ARHGEF33: variants seen among roughly 807,000 people sequenced by gnomAD.
The protein encoded by ARHGEF33 is DH and coiled-coil domain-containing protein ENSP00000381780.
Under a neutral mutation model 101.9 loss-of-function variants are expected in ARHGEF33, and 72 were observed. The ratio of observed to expected loss-of-function variants is 0.71; its 90% CI spans 0.58 to 0.86. The LOEUF (loss-of-function observed/expected upper bound fraction) is 0.86. ARHGEF33 is among the 40% of genes least tolerant of loss of function. The pLI is 0.00. For synonymous variants in ARHGEF33, 499 were observed against 442.5 expected (o/e 1.13, Z -1.60); for missense variants, 1,169 against 1,111.3 (o/e 1.05, Z -0.74).
intron 6 of ARHGEF33, among the ~76,000 whole-genome samples, chr2:38,930,257 G>A (rs1371245561): frequency 3.9e-5 from 6 of 152,012 alleles, no homozygotes. Flanking sequence ...GTTAAACGAT[G>A]TCTGGACTAG....
intron 2 of ARHGEF33, among the ~76,000 whole-genome samples, chr2:38,918,714 C>G (rs1053262947): frequency 6.6e-6 from 1 of 152,074 alleles, no homozygotes; most frequent in Non-Finnish European, 1.5e-5. Flanking sequence ...GATGTATTGG[C>G]CTTCATATCT....
At chr2:38,918,300 A>G (rs1236613323) in intron 2 of ARHGEF33, among the ~76,000 whole-genome samples, 1 of 152,234 alleles carries the variant, frequency 6.6e-6, no homozygotes, top group Non-Finnish European at 1.5e-5. Context: ...AATATCAAGT[A>G]TCTGCCTTAG....
intron 8 of ARHGEF33, 24 bp from the exon 9 acceptor site, chr2:38,937,311 C>CTTGGGGGGGGG: frequency 3.4e-6 from 2 of 583,934 alleles, no homozygotes; most frequent in Non-Finnish European, 3.0e-6. Flanking sequence ...CTTTGTTTCC[C>CTTGGGGGGGGG]CGCCCCTCCC....
At position 38,946,028 on chromosome 2, in the gene ARHGEF33, A is replaced by G. The variant is rs141404639; in HGVS notation, c.920+1998A>G. On this transcript the variant is annotated intron_variant, in intron 10 of 17. Coordinates refer to ENST00000409978, the MANE Select transcript of ARHGEF33 (RefSeq NM_001145451.5). ...AATGTGTAAAGTTTCTCAGAGAGCC[A>G]GAAGGATACAGTTGTCTCTTCCTAT... is the stretch of plus-strand genomic sequence containing the variant. 5.1e-3 allele frequency among the ~76,000 whole-genome samples: 780 copies of G among 152,354 alleles called. 4 individuals are homozygous for G. The highest frequency in any genetic ancestry group is 8.1e-3 in the Non-Finnish European group (549 of 68,032).
Position 38,960,353 on chromosome 2 carries a change from C to G in ARHGEF33, c.2048C>G (p.Pro683Arg). 6.5e-7 allele frequency: 1 copy of G among 1,531,560 alleles called. No individual in the cohort carries two copies. Among genetic ancestry groups the G allele is most frequent in the Non-Finnish European group, 8.7e-7 (1 of 1,143,006 alleles). The allele number at this position is 1,531,560 out of a possible 1,614,324, so 94.9% of individuals were successfully genotyped here. Residue 683 changes from proline (P) to arginine (R), a missense_variant, in exon 16 of 18, where the codon CCG (proline) becomes CGG (arginine). Coordinates refer to ENST00000409978, the MANE Select transcript of ARHGEF33 (RefSeq NM_001145451.5). ...CCGCTGCCCAAGAGCGCTACGTCGCCGGCGGGCAGCAGCAGCGCCTACAAA... is the reference window on the plus strand; with the variant it reads ...CCGCTGCCCAAGAGCGCTACGTCGCGGGCGGGCAGCAGCAGCGCCTACAAA... Reference protein sequence around the residue: ...LQPLPKSATSPAGSSSAYKLE... With the variant: ...LQPLPKSATSRAGSSSAYKLE...
In ARHGEF33 at chr2:38,960,346, A is replaced by T; in HGVS notation, c.2041A>T (p.Thr681Ser). 2 of 1,534,396 alleles carry T rather than the reference A, an allele frequency of 1.3e-6. No homozygotes were observed. Among genetic ancestry groups the T allele is most frequent in the Non-Finnish European group, 8.7e-7 (1 of 1,143,870 alleles). The change falls in exon 16 of 18, where the codon ACG becomes TCG. Residue 681 changes from threonine (T) to serine (S), a missense_variant. Transcript: ENST00000409978. ...HPLQPLPKSA[T>S]SPAGSSSAYK... is the part of the protein sequence containing the mutation. ...GCTGCAGCCGCTGCCCAAGAGCGCTACGTCGCCGGCGGGCAGCAGCAGCGC... is the reference window on the plus strand; with the variant it reads ...GCTGCAGCCGCTGCCCAAGAGCGCTTCGTCGCCGGCGGGCAGCAGCAGCGC...
chr2:38,940,547 C>G (rs183731869), intron 9 of ARHGEF33, among the ~76,000 whole-genome samples: 1 of 152,130 alleles, frequency 6.6e-6, no homozygotes, highest in East Asian at 1.9e-4. Flanking sequence ...TATATTTCTC[C>G]TCTGTTCGAT....
chr2:38,943,200 T>C lies in ARHGEF33; in HGVS notation c.791-701T>C, dbSNP rs950882060. ...GCCTTGGCCTCCCAAAGTGCTAGGATTACAGGCATGAGCCACCATGTCCGG... is the reference window on the plus strand; with the variant it reads ...GCCTTGGCCTCCCAAAGTGCTAGGACTACAGGCATGAGCCACCATGTCCGG... On this transcript the variant is annotated intron_variant, in intron 9 of 17. Coordinates refer to ENST00000409978, the MANE Select transcript of ARHGEF33 (RefSeq NM_001145451.5). Among the ~76,000 whole-genome samples the C allele has an allele frequency of 5.9e-5, 9 of 152,348 alleles. No individual in the cohort carries two copies. The South Asian group carries it at 1.9e-3, about 32-fold the overall frequency.
chr2:38,908,393 C>A (rs982011168), intron 2 of ARHGEF33, among the ~76,000 whole-genome samples: 2 of 152,176 alleles, frequency 1.3e-5, no homozygotes, highest in African/African-American at 4.8e-5. Context: ...ACTTTCAGCC[C>A]TGATCTGAAA....
chr2:38,902,428 A>G (rs537313932), intron 2 of ARHGEF33, among the ~76,000 whole-genome samples: 214 of 152,252 alleles, frequency 1.4e-3, no homozygotes, highest in African/African-American at 4.8e-3. Context: ...CTCTGTAGTG[A>G]AGCATTTTAT....
chr2:38,927,337 C>A (rs1666896935), intron 4 of ARHGEF33, among the ~76,000 whole-genome samples: 1 of 152,196 alleles, frequency 6.6e-6, no homozygotes, highest in Admixed American at 6.5e-5. Flanking sequence ...TGAAAATGTT[C>A]AGAAATACAC....
intron 11 of ARHGEF33, among the ~76,000 whole-genome samples, chr2:38,952,794 G>A (rs1257029917): frequency 6.6e-6 from 1 of 152,030 alleles, no homozygotes; most frequent in Non-Finnish European, 1.5e-5. Flanking sequence ...TGCCTCCCGG[G>A]TTCATGCCAT....
chr2:38,942,164 C>CTTTTTTTTTTTTTTTTTTTTTTTTTTTT (rs35282727), intron 9 of ARHGEF33, among the ~76,000 whole-genome samples: 1 of 107,332 alleles, frequency 9.3e-6, no homozygotes, highest in Non-Finnish European at 1.8e-5. Context: ...TCTCTCCTTT[C>CTTTTTTTTTTTTTTTTTTTTTTTTTTTT]TTTTTTTTTT....
intron 9 of ARHGEF33, among the ~76,000 whole-genome samples, chr2:38,943,603 C>T (rs1667367038): frequency 6.6e-6 from 1 of 152,206 alleles, no homozygotes; most frequent in Admixed American, 6.5e-5. Context: ...ATTGCTCCTG[C>T]TTTCAGCATT....
chr2:38,912,529 T>C (rs1189684162), intron 2 of ARHGEF33, among the ~76,000 whole-genome samples: 3 of 152,196 alleles, frequency 2.0e-5, no homozygotes, highest in Non-Finnish European at 4.4e-5. Flanking sequence ...GAAATTCTGT[T>C]CTGGAAACTT....
intron 2 of ARHGEF33, among the ~76,000 whole-genome samples, chr2:38,902,677 G>A (rs544059937): frequency 3.3e-5 from 5 of 152,024 alleles, no homozygotes; most frequent in South Asian, 2.1e-4. Context: ...TCATTTATTC[G>A]GCACCTATTT....
At chr2:38,902,425 G>A (rs1165806852) in intron 2 of ARHGEF33, among the ~76,000 whole-genome samples, 2 of 152,282 alleles carry the variant, frequency 1.3e-5, no homozygotes, top group East Asian at 3.9e-4. Context: ...GGACTCTGTA[G>A]TGAAGCATTT....
chr2:38,899,580 C>T (rs1008920424), intron 2 of ARHGEF33, among the ~76,000 whole-genome samples: 7 of 151,966 alleles, frequency 4.6e-5, no homozygotes, highest in African/African-American at 7.3e-5. Flanking sequence ...AATGGAGACG[C>T]GTTGGTCAAA....
At chr2:38,938,500 T>C (rs1421342806) in intron 9 of ARHGEF33, among the ~76,000 whole-genome samples, 4 of 152,174 alleles carry the variant, frequency 2.6e-5, no homozygotes, top group African/African-American at 9.7e-5. Flanking sequence ...GATAGTGCCA[T>C]TGCACTCCAG....
Sources: gnomAD v4.1 joint callset for allele counts (sites outside exome capture counted in the v4.1 genomes callset) on GRCh38, gnomAD v4.1.1 for gene constraint, MANE v1.5 for transcripts, NCBI Gene and HGNC (gene_info 2026-07-23, HGNC 2026-07-21) for gene names.